The following CUX1 variants were observed in gnomAD, a reference collection of about 807,000 sequenced individuals.
CUX1 encodes the protein protein CASP.
Under a neutral mutation model 158.8 loss-of-function variants are expected in CUX1, and 31 were observed. The observed-to-expected ratio is 0.20, with a 90% CI of 0.15 to 0.26. CUX1 has a LOEUF of 0.26. Ranked by LOEUF, CUX1 falls within the 10% of genes least tolerant of loss-of-function variation. The probability of loss-of-function intolerance (pLI) is 1.00; values close to 1 mark genes in which losing one functional copy is unlikely to be tolerated. For synonymous variants in CUX1, 879 were observed against 862.1 expected (o/e 1.02, Z -0.34); for missense variants, 1,589 against 2,014.6 (o/e 0.79, Z 4.04).
At chr7:102,202,409 G>A (rs1486780264) in intron 18 of CUX1, among the ~76,000 whole-genome samples, 2 of 152,208 alleles carry the variant, frequency 1.3e-5, no homozygotes, top group Admixed American at 6.5e-5. Context: ...CTGCAGCCAG[G>A]TTCTAGGCTC....
chr7:102,182,985 G>C (rs1416611870), intron 11 of CUX1, among the ~76,000 whole-genome samples: 4 of 152,142 alleles, frequency 2.6e-5, no homozygotes, highest in African/African-American at 7.2e-5. Context: ...AATCACCTAG[G>C]GGTCTTTTCC....
At chr7:102,275,736 C>T (rs534579293) in intron 17 of CUX1, among the ~76,000 whole-genome samples, 5 of 152,240 alleles carry the variant, frequency 3.3e-5, no homozygotes, top group Admixed American at 6.5e-5. Flanking sequence ...GAGCCAGGTG[C>T]GGTGGCTCAC....
intron 1 of CUX1, among the ~76,000 whole-genome samples, chr7:101,836,108 T>C (rs555524700): frequency 8.5e-5 from 13 of 152,354 alleles, no homozygotes; most frequent in Middle Eastern, 3.4e-3. Flanking sequence ...CTAGGCCTTA[T>C]TCATTGATTC....
At chr7:102,280,938 C>A in intron 20 of CUX1, 2 of 1,413,528 alleles carry the variant, frequency 1.4e-6, no homozygotes. Flanking sequence ...ACCTGCCCTG[C>A]AGCCCAGGCT....
chr7:102,262,390 T>C (rs916432549), downstream of CUX1, among the ~76,000 whole-genome samples: 1 of 8,782 alleles, frequency 1.1e-4, no homozygotes, highest in Non-Finnish European at 2.7e-4. Flanking sequence ...AAAGCAAGAC[T>C]CCATCATGGA....
At chr7:102,118,478 C>T (rs1831668194) in intron 8 of CUX1, among the ~76,000 whole-genome samples, 1 of 152,116 alleles carries the variant, frequency 6.6e-6, no homozygotes, top group Non-Finnish European at 1.5e-5. Context: ...GTCGAGGCTG[C>T]AGTGAGCCTA....
At chr7:101,923,188 G>A (rs1163533039) in intron 2 of CUX1, among the ~76,000 whole-genome samples, 1 of 152,158 alleles carries the variant, frequency 6.6e-6, no homozygotes. Flanking sequence ...CCCAGCGTGG[G>A]GTCCTCCCTG....
chr7:102,233,323 C>A (rs1799192686), intron 21 of CUX1, among the ~76,000 whole-genome samples: 1 of 151,820 alleles, frequency 6.6e-6, no homozygotes, highest in Non-Finnish European at 1.5e-5. Context: ...GTAGCTGGAA[C>A]TATAGGTACA....
intron 9 of CUX1, among the ~76,000 whole-genome samples, chr7:102,167,065 C>A (rs1172486816): frequency 6.6e-6 from 1 of 151,984 alleles, no homozygotes; most frequent in Non-Finnish European, 1.5e-5. Context: ...GTCAGGAGTT[C>A]AAGACCAGCC....
intron 18 of CUX1, among the ~76,000 whole-genome samples, chr7:102,203,492 C>T (rs553607404): frequency 1.3e-5 from 2 of 152,234 alleles, no homozygotes; most frequent in South Asian, 2.1e-4. Context: ...TGAAGGGGGG[C>T]GACTAGAAAT....
rs371349783 is a variant in CUX1, at chr7:102,141,267, C to T, written c.675-17293C>T. Among the ~76,000 whole-genome samples, 23 of 152,280 alleles carry T rather than the reference C, an allele frequency of 1.5e-4. No individual in the cohort carries two copies. The East Asian group carries it at 4.3e-3, about 28-fold the overall frequency. On this transcript the variant is annotated intron_variant, in intron 8 of 23. Transcript: ENST00000292535. Reference sequence around the variant, plus strand: ...GTCTTTCCTATGAACGTTCTCGTGCCTCCACTGCCTGGGTCTTCAGTTTCA... The same window carrying T: ...GTCTTTCCTATGAACGTTCTCGTGCTTCCACTGCCTGGGTCTTCAGTTTCA...
At chr7:102,040,442 G>A (rs1020075679) in intron 3 of CUX1, among the ~76,000 whole-genome samples, 1 of 152,214 alleles carries the variant, frequency 6.6e-6, no homozygotes, top group Admixed American at 6.5e-5. Context: ...TCATGCCAGG[G>A]CCTTGTAGGC....
intron 2 of CUX1, among the ~76,000 whole-genome samples, chr7:101,945,095 C>T (rs1808213406): frequency 6.6e-6 from 1 of 152,234 alleles, no homozygotes; most frequent in South Asian, 2.1e-4. Flanking sequence ...CACACACAGT[C>T]ACCCACTGGT....
At chr7:101,989,880 A>G (rs887252027) in intron 2 of CUX1, among the ~76,000 whole-genome samples, 8 of 152,236 alleles carry the variant, frequency 5.3e-5, no homozygotes, top group African/African-American at 1.4e-4. Context: ...GAAGACACTC[A>G]AAGTCTGTCC....
At chr7:102,191,081 G>A (rs1438523760) in intron 12 of CUX1, among the ~76,000 whole-genome samples, 2 of 152,128 alleles carry the variant, frequency 1.3e-5, no homozygotes, top group South Asian at 2.1e-4. Flanking sequence ...CCTCCCTGGC[G>A]TCTGCTGGCC....
At chr7:102,000,647 A>C (rs191146666) in intron 2 of CUX1, among the ~76,000 whole-genome samples, 29 of 152,246 alleles carry the variant, frequency 1.9e-4, no homozygotes, top group African/African-American at 6.0e-4. Context: ...TGTGTACCTC[A>C]CCTGGTTTTG....
intron 2 of CUX1, among the ~76,000 whole-genome samples, chr7:101,972,993 T>G (rs1375702944): frequency 6.6e-6 from 1 of 152,164 alleles, no homozygotes; most frequent in African/African-American, 2.4e-5. Flanking sequence ...GCCACTGCCT[T>G]CCTTCCTTTT....
intron 1 of CUX1, among the ~76,000 whole-genome samples, chr7:101,900,243 G>A (rs765941995): frequency 6.6e-6 from 1 of 152,138 alleles, no homozygotes; most frequent in African/African-American, 2.4e-5. Context: ...TCGCATCTCC[G>A]CTCTTGGCAC....
At chr7:101,968,851 G>A (rs1335787787) in intron 2 of CUX1, among the ~76,000 whole-genome samples, 1 of 152,150 alleles carries the variant, frequency 6.6e-6, no homozygotes, top group Non-Finnish European at 1.5e-5. Flanking sequence ...CGGCTCAGCA[G>A]CTGATCAGCT....
Sources: gnomAD v4.1 joint callset for allele counts (sites outside exome capture counted in the v4.1 genomes callset) on GRCh38, gnomAD v4.1.1 for gene constraint, MANE v1.5 for transcripts, NCBI Gene and HGNC (gene_info 2026-07-23, HGNC 2026-07-21) for gene names.